The following THRB variants were observed in gnomAD, a reference collection of about 807,000 sequenced individuals.
THRB encodes the protein thyroid hormone receptor beta, also known as nuclear receptor subfamily 1 group A member 2.
Under a neutral mutation model 47.8 loss-of-function variants are expected in THRB, and 12 were observed. The observed-to-expected ratio is 0.25, with a 90% CI of 0.16 to 0.41. The LOEUF (loss-of-function observed/expected upper bound fraction) is 0.41. Among genes scored for constraint, THRB ranks in the 10% least tolerant of loss-of-function variants. The pLI, the probability that THRB is intolerant of heterozygous loss-of-function variation, is 1.00. For missense variants in THRB, 348 were observed against 589.2 expected, an observed-to-expected ratio of 0.59 and a Z score of 4.24; for synonymous variants, 218 against 212.2, an observed-to-expected ratio of 1.03 and a Z score of -0.24.
intron 3 of THRB, among the ~76,000 whole-genome samples, chr3:24,260,732 C>T (rs1408966819): frequency 6.6e-6 from 1 of 152,184 alleles, no homozygotes; most frequent in Non-Finnish European, 1.5e-5. Flanking sequence ...CCCCAGATCT[C>T]CAACAACTTC....
chr3:24,158,444 T>TG (rs2038232150), intron 5 of THRB, among the ~76,000 whole-genome samples: 1 of 104,804 alleles, frequency 9.5e-6, no homozygotes, highest in Admixed American at 1.0e-4. Context: ...GGGGGGAGGG[T>TG]GGGGGACGAG....
At chr3:24,208,659 A>T (rs567765115) in intron 4 of THRB, among the ~76,000 whole-genome samples, 3 of 152,360 alleles carry the variant, frequency 2.0e-5, no homozygotes, top group African/African-American at 7.2e-5. Flanking sequence ...TAGAAAGCTG[A>T]AACTGGATCC....
intron 1 of THRB, among the ~76,000 whole-genome samples, chr3:24,382,090 A>T (rs1307200007): frequency 3.9e-5 from 6 of 152,080 alleles, no homozygotes; most frequent in Non-Finnish European, 7.4e-5. Flanking sequence ...ACTTTGAATC[A>T]TAAAAGACAT....
At chr3:24,140,628 T>A (rs890821141) in intron 8 of THRB, among the ~76,000 whole-genome samples, 1 of 152,100 alleles carries the variant, frequency 6.6e-6, no homozygotes, top group East Asian at 1.9e-4. Context: ...GTGGCTTCCC[T>A]CCCCCAAGGT....
intron 5 of THRB, among the ~76,000 whole-genome samples, chr3:24,180,274 G>A (rs949006399): frequency 2.0e-5 from 3 of 152,134 alleles, no homozygotes; most frequent in South Asian, 2.1e-4. Flanking sequence ...CTAGATGTCT[G>A]AGGCAACTAT....
intron 1 of THRB, among the ~76,000 whole-genome samples, chr3:24,416,531 C>A (rs140539637): frequency 2.6e-5 from 4 of 151,914 alleles, no homozygotes; most frequent in Non-Finnish European, 4.4e-5. Flanking sequence ...ATGCATAAAG[C>A]GCTCTATTTA....
chr3:24,135,848 A>T (rs891653375), intron 8 of THRB, among the ~76,000 whole-genome samples: 2 of 43,580 alleles, frequency 4.6e-5, no homozygotes, highest in African/African-American at 1.4e-4. Context: ...TATATATATA[A>T]TACATAAATA....
chr3:24,141,316 C>T (rs1297235162), intron 8 of THRB, among the ~76,000 whole-genome samples: 1 of 152,214 alleles, frequency 6.6e-6, no homozygotes, highest in Non-Finnish European at 1.5e-5. Context: ...TGTGACCACA[C>T]AGCACGAAGA....
intron 8 of THRB, among the ~76,000 whole-genome samples, chr3:24,141,727 T>A (rs1026599490): frequency 7.2e-5 from 11 of 152,220 alleles, no homozygotes; most frequent in African/African-American, 2.7e-4. Flanking sequence ...AATAAAAGTA[T>A]AAAATTCCCG....
intron 5 of THRB, among the ~76,000 whole-genome samples, chr3:24,167,251 A>G (rs903310036): frequency 2.0e-5 from 3 of 152,200 alleles, no homozygotes; most frequent in African/African-American, 7.2e-5. Flanking sequence ...GATATAAAAC[A>G]AGCAAAAGCA....
At chr3:24,393,753 T>G (rs1408205511) in intron 1 of THRB, among the ~76,000 whole-genome samples, 3 of 152,044 alleles carry the variant, frequency 2.0e-5, no homozygotes, top group African/African-American at 7.2e-5. Flanking sequence ...AAAGGTGAGG[T>G]CCTATCCTCT....
chr3:24,371,911 C>T (rs868692800), intron 1 of THRB, among the ~76,000 whole-genome samples: 18 of 152,084 alleles, frequency 1.2e-4, no homozygotes, highest in Admixed American at 2.6e-4. Context: ...GTTTATAAGA[C>T]GTGAGTGGCA....
chr3:24,228,495 G>A (rs147087405), intron 4 of THRB, among the ~76,000 whole-genome samples: 27 of 152,136 alleles, frequency 1.8e-4, no homozygotes, highest in Admixed American at 4.6e-4. Context: ...TACACCGGGT[G>A]CAGTGGCCTA....
intron 2 of THRB, chr3:24,318,239 T>C (rs180712329): frequency 6.6e-6 from 1 of 152,352 alleles, no homozygotes; most frequent in East Asian, 1.9e-4. Flanking sequence ...TTCACTTAAG[T>C]ACATCCTTCA....
rs746323691 is a variant in THRB, at chr3:24,481,229, G to GTTTTTTTTTTTTTTTTTTTTTTTTTT, written c.-261+13397_-261+13422dup. ...TATATGTGTGGATGCGTTTCTTTCT[G>GTTTTTTTTTTTTTTTTTTTTTTTTTT]TTTTTTTTTTTTTTTTTTTTTTTTT... is the stretch of plus-strand genomic sequence containing the variant. On this transcript the variant is annotated intron_variant, in intron 1 of 10. Transcript: ENST00000646209. Among the ~76,000 whole-genome samples the GTTTTTTTTTTTTTTTTTTTTTTTTTT allele has an allele frequency of 3.8e-4, 21 of 55,368 alleles. 1 individual carries two copies. The highest frequency in any genetic ancestry group is 1.2e-3 in the African/African-American group (16 of 13,078). The allele number at this position is 55,368 out of a possible 152,430, so 36.3% of individuals were successfully genotyped here.
At chr3:24,256,723 A>AT (rs2051324580) in intron 3 of THRB, among the ~76,000 whole-genome samples, 1 of 152,100 alleles carries the variant, frequency 6.6e-6, no homozygotes, top group Admixed American at 6.5e-5. Context: ...GTGTCAGGAC[A>AT]ATTAGAGTTA....
At chr3:24,271,664 T>TAAAAAGTTAAAA (rs2053345142) in intron 3 of THRB, among the ~76,000 whole-genome samples, 1 of 152,194 alleles carries the variant, frequency 6.6e-6, no homozygotes, top group Non-Finnish European at 1.5e-5. Flanking sequence ...AATAACTTTT[T>TAAAAAGTTAAAA]AGCTTAAAAG....
At chr3:24,321,161 A>AC (rs1432630708) in intron 2 of THRB, among the ~76,000 whole-genome samples, 1 of 152,086 alleles carries the variant, frequency 6.6e-6, no homozygotes, top group African/African-American at 2.4e-5. Flanking sequence ...CCAGTTTTAC[A>AC]CCCCCAGTCT....
chr3:24,451,818 G>C (rs773419676), intron 1 of THRB, among the ~76,000 whole-genome samples: 1 of 152,170 alleles, frequency 6.6e-6, no homozygotes, highest in Non-Finnish European at 1.5e-5. Context: ...TAGAGCATTG[G>C]GTTATTTTAC....
Sources: gnomAD v4.1 joint callset for allele counts (sites outside exome capture counted in the v4.1 genomes callset) on GRCh38, gnomAD v4.1.1 for gene constraint, MANE v1.5 for transcripts, NCBI Gene and HGNC (gene_info 2026-07-23, HGNC 2026-07-21) for gene names.